Variants in PAGE1 observed in about 807,000 individuals in gnomAD.
PAGE1 encodes P antigen family member 1.
In PAGE1, 6 loss-of-function variants were observed where a neutral mutation model predicts 11.5. The observed-to-expected ratio is 0.52, with a 90% confidence interval of 0.29 to 1.03. PAGE1 has a LOEUF of 1.03. Among genes scored for constraint, PAGE1 ranks in the 50% least tolerant of loss-of-function variants. PAGE1 has a pLI of 0.09. For synonymous variants in PAGE1, 42 were observed against 40.2 expected (o/e 1.05, Z -0.17); for missense variants, 120 against 110.2 (o/e 1.09, Z -0.40).
intron 5 of PAGE1, among the ~76,000 whole-genome samples, chrX:49,688,047 TACTC>T (rs2066890197): frequency 8.9e-6 from 1 of 112,798 alleles, no homozygotes; most frequent in Non-Finnish European, 1.9e-5. Context: ...ACAGGCATCT[TACTC>T]ACACCCATGC....
At chrX:49,688,766 C>G (rs1557141322) in intron 5 of PAGE1, among the ~76,000 whole-genome samples, 5 of 111,972 alleles carry the variant, frequency 4.5e-5, no homozygotes, top group Non-Finnish European at 5.6e-5. Flanking sequence ...GGTATTAGAA[C>G]CTGCATCCGT....
At chrX:49,689,384 A>G in intron 5 of PAGE1, 34 bp downstream of exon 5, 1 of 1,020,098 alleles carries the variant, frequency 9.8e-7, no homozygotes, top group Non-Finnish European at 1.3e-6. Context: ...GGAAACAGAC[A>G]CCCTACAATT....
At chrX:49,691,163 G>T in intron 4 of PAGE1, 86 bp downstream of exon 4, 1 of 959,962 alleles carries the variant, frequency 1.0e-6, no homozygotes, top group Non-Finnish European at 1.4e-6. Flanking sequence ...GGGTGACAGA[G>T]TGAGACTCCA....
chrX:49,694,025 C>G (rs2066930613), intron 3 of PAGE1, 74 bp downstream of exon 3: 1 of 234,123 alleles, frequency 4.3e-6, no homozygotes, highest in African/African-American at 6.1e-5. Flanking sequence ...GCATGAGACA[C>G]ACACACACAC....
At position 49,691,261 on chromosome X, in the gene PAGE1, GTTTCATC is replaced by G; in HGVS notation, c.273_279del (p.Gln91HisfsTer42). 1 of 1,210,217 alleles carries G rather than the reference GTTTCATC, an allele frequency of 8.3e-7. No individual in the cohort carries two copies. The highest frequency in any genetic ancestry group is 1.1e-6 in the Non-Finnish European group (1 of 894,586). On this transcript the variant is annotated frameshift_variant, in exon 4 of 6. Transcript: ENST00000376150. LOFTEE classifies it high-confidence loss of function. ...ATGGACTACCTACCTTCTGCGGGCAGTTTCATCTGCTCTTCATTTCGCAGGCACACCC... is the reference window on the plus strand; with the variant it reads ...ATGGACTACCTACCTTCTGCGGGCAGTGCTCTTCATTTCGCAGGCACACCC...
chrX:49,689,652 GTA>G (rs202145644), intron 4 of PAGE1, 109 bp from the exon 5 acceptor site: 9,945 of 70,972 alleles, frequency 0.14, 1,006 homozygotes, highest in Non-Finnish European at 0.15. Context: ...ATATGTGTGT[GTA>G]TATATATATA....
chrX:49,689,619 C>CAT lies in PAGE1; in HGVS notation c.293-78_293-77dup, dbSNP rs1243741873. ...ATATATATATATATATATACATATACATATATATATACATATACATATATA... is the reference window on the plus strand; with the variant it reads ...ATATATATATATATATATACATATACATATATATATATACATATACATATATA... On this transcript the variant is annotated intron_variant, in intron 4 of 5. Coordinates refer to ENST00000376150, the MANE Select transcript of PAGE1 (RefSeq NM_003785.4). The CAT allele has an allele frequency of 1.7e-3, 112 of 65,775 alleles. 3 individuals carry two copies. The highest frequency in any genetic ancestry group is 0.015 in the African/African-American group (98 of 6,651). 5.4% of individuals were successfully genotyped at this position (65,775 alleles called of 1,213,427 possible).
chrX:49,689,845 TAC>T (rs1426908326), intron 4 of PAGE1, among the ~76,000 whole-genome samples: 3 of 60,358 alleles, frequency 5.0e-5, no homozygotes, highest in Admixed American at 2.0e-4. Flanking sequence ...TGTGTGTATA[TAC>T]ACACATATAT....
At chrX:49,691,544 A>C (rs1274798215) in intron 3 of PAGE1, among the ~76,000 whole-genome samples, 170 bp from the exon 4 acceptor site, 2 of 112,278 alleles carry the variant, frequency 1.8e-5, no homozygotes, top group Non-Finnish European at 3.8e-5. Flanking sequence ...GGCAGAAGAC[A>C]GGAAAACAGG....
At chrX:49,691,710 G>A (rs1025615523) in intron 3 of PAGE1, among the ~76,000 whole-genome samples, 3 of 111,554 alleles carry the variant, frequency 2.7e-5, no homozygotes, top group African/African-American at 9.8e-5. Context: ...TAGACTCCTA[G>A]CACCTAGCAA....
At chrX:49,690,155 A>ATATATGTGTATATATACACATAT (rs1569533495) in intron 4 of PAGE1, among the ~76,000 whole-genome samples, 1 of 94,270 alleles carries the variant, frequency 1.1e-5, no homozygotes, top group Non-Finnish European at 2.1e-5. Flanking sequence ...GTATATATAT[A>ATATATGTGTATATATACACATAT]ATCAATTTAA....
chrX:49,689,744 G>GTA (rs199757078), intron 4 of PAGE1, among the ~76,000 whole-genome samples: 1,437 of 54,048 alleles, frequency 0.027, 174 homozygotes, highest in African/African-American at 0.12. Context: ...ACACATATAT[G>GTA]TATATGTGTA....
chrX:49,694,794 T>C lies in PAGE1; in HGVS notation c.-8-16A>G, dbSNP rs1557142659. On this transcript the variant is annotated splice_polypyrimidine_tract_variant and intron_variant, in intron 1 of 5. Coordinates refer to ENST00000376150, the MANE Select transcript of PAGE1 (RefSeq NM_003785.4). The stretch of plus-strand genomic sequence containing the variant: ...ATATTTCACACTGAAAAGAGAAAAT[T>C]GTGATTGGGAACATGCACTTGAGAG... The C allele has an allele frequency of 4.9e-6, 5 of 1,023,347 alleles. No individual in the cohort carries two copies. Among genetic ancestry groups the C allele is most frequent in the Non-Finnish European group, 6.9e-6 (5 of 728,345 alleles). 84.3% of individuals were successfully genotyped at this position (1,023,347 alleles called of 1,213,427 possible). A position where few individuals can be genotyped will look rare whatever the true frequency, so the allele number is the denominator to read the frequency against.
intron 4 of PAGE1, 62 bp downstream of exon 4, chrX:49,691,187 A>AG: frequency 8.8e-7 from 1 of 1,135,725 alleles, no homozygotes; most frequent in Non-Finnish European, 1.2e-6. Flanking sequence ...CAGAAAAAAA[A>AG]GAAAATTATA....
intron 2 of PAGE1, 113 bp from the exon 3 acceptor site, chrX:49,694,314 T>C: frequency 2.3e-6 from 1 of 441,864 alleles, no homozygotes; most frequent in Admixed American, 3.9e-5. Context: ...TTTCTGATCA[T>C]AACTAAACCT....
chrX:49,694,824 G>A, intron 1 of PAGE1, 46 bp from the exon 2 acceptor site: 1 of 699,450 alleles, frequency 1.4e-6, no homozygotes. Flanking sequence ...TGAGAGGACA[G>A]CTATATTCGA....
intron 1 of PAGE1, among the ~76,000 whole-genome samples, chrX:49,694,995 G>A (rs2066935904): frequency 8.9e-6 from 1 of 112,438 alleles, no homozygotes; most frequent in African/African-American, 3.2e-5. Context: ...TGTGGCAAAA[G>A]GCAGAGGACA....
intron 5 of PAGE1, 128 bp downstream of exon 5, chrX:49,689,290 G>A (rs781972336): frequency 5.7e-4 from 393 of 685,992 alleles, no homozygotes; most frequent in Non-Finnish European, 6.8e-4. Flanking sequence ...CCAGTGAGCC[G>A]AGATGGCACC....
Position 49,687,566 on chromosome X carries a change from G to A in PAGE1, c.419-3C>T, listed in dbSNP as rs1767270207. ...TTAAGGCTGTGATTGCCCTTCATCT[G>A]TAACAGAAACATAACTGTTAGGAAG... is the stretch of plus-strand genomic sequence containing the variant. On this transcript the variant is annotated splice_polypyrimidine_tract_variant and splice_region_variant and intron_variant, in intron 5 of 5. Transcript: ENST00000376150. The A allele has an allele frequency of 8.3e-7, 1 of 1,200,039 alleles. No homozygotes were observed. The highest frequency in any genetic ancestry group is 1.8e-5 in the African/African-American group (1 of 56,969).
Sources: allele counts gnomAD v4.1 joint callset (sites outside exome capture counted in the v4.1 genomes callset), GRCh38; gene constraint gnomAD v4.1.1; transcripts MANE v1.5; gene names NCBI Gene and HGNC (gene_info 2026-07-23, HGNC 2026-07-21).